NLGN1: variants seen among roughly 807,000 people sequenced by gnomAD.
NLGN1 encodes neuroligin 1, also known as neuroligin-1.
In NLGN1, 12 loss-of-function variants were observed where a neutral mutation model predicts 65.5. That is an observed-to-expected ratio of 0.18 (90% CI 0.12 to 0.30). NLGN1 has a LOEUF of 0.30. Among genes scored for constraint, NLGN1 ranks in the 10% least tolerant of loss-of-function variants. The pLI is 1.00. For synonymous variants in NLGN1, 350 were observed against 359.5 expected (o/e 0.97, Z 0.30); for missense variants, 750 against 1,007.1 (o/e 0.74, Z 3.46).
At chr3:173,619,149 A>G (rs1278262220) in intron 3 of NLGN1, among the ~76,000 whole-genome samples, 3 of 152,134 alleles carry the variant, frequency 2.0e-5, no homozygotes, top group Admixed American at 1.3e-4. Context: ...ACATCAGTAA[A>G]TGTTCATGTA....
intron 2 of NLGN1, among the ~76,000 whole-genome samples, chr3:173,497,886 ATATCTT>A (rs1730303503): frequency 1.3e-5 from 2 of 151,870 alleles, no homozygotes; most frequent in African/African-American, 2.4e-5. Context: ...AATGCAATAA[ATATCTT>A]TATATATATG....
chr3:174,229,872 A>G (rs897118163), intron 4 of NLGN1, among the ~76,000 whole-genome samples: 5 of 152,176 alleles, frequency 3.3e-5, no homozygotes, highest in South Asian at 2.1e-4. Context: ...TGTGGAATCT[A>G]TCCACTTCTG....
chr3:173,770,076 G>A (rs749270994), intron 3 of NLGN1, among the ~76,000 whole-genome samples: 1 of 152,152 alleles, frequency 6.6e-6, no homozygotes, highest in African/African-American at 2.4e-5. Flanking sequence ...TCTGGAAAAT[G>A]TCCTATCTTA....
intron 4 of NLGN1, among the ~76,000 whole-genome samples, chr3:174,028,662 A>T (rs1388535020): frequency 6.6e-6 from 1 of 152,236 alleles, no homozygotes; most frequent in African/African-American, 2.4e-5. Context: ...AAAAGTTGGG[A>T]ACATTTGCAG....
At chr3:173,789,776 C>A in intron 3 of NLGN1, 1 of 458,404 alleles carries the variant, frequency 2.2e-6, no homozygotes, top group South Asian at 1.6e-5. Flanking sequence ...TCCGCCCATC[C>A]TTCCTTGGAT....
At chr3:173,741,041 A>G (rs915214291) in intron 3 of NLGN1, among the ~76,000 whole-genome samples, 1 of 152,184 alleles carries the variant, frequency 6.6e-6, no homozygotes, top group African/African-American at 2.4e-5. Context: ...GCATATAGGT[A>G]TACAATTAGT....
intron 3 of NLGN1, chr3:173,789,815 A>G: frequency 2.0e-6 from 1 of 493,088 alleles, no homozygotes; most frequent in Non-Finnish European, 4.1e-6. Context: ...TCAAATTCAA[A>G]CTTTCATATT....
intron 2 of NLGN1, among the ~76,000 whole-genome samples, chr3:173,569,471 G>A (rs1744267304): frequency 6.6e-6 from 1 of 151,778 alleles, no homozygotes; most frequent in African/African-American, 2.4e-5. Context: ...TATTTTCGGA[G>A]AAGGCTATTT....
chr3:174,126,045 A>G (rs1446455282), intron 4 of NLGN1, among the ~76,000 whole-genome samples: 5 of 152,126 alleles, frequency 3.3e-5, no homozygotes, highest in African/African-American at 1.2e-4. Flanking sequence ...ATCTGAGTGC[A>G]AGGTCACACA....
intron 2 of NLGN1, among the ~76,000 whole-genome samples, chr3:173,438,645 G>T (rs1718589852): frequency 6.6e-6 from 1 of 151,956 alleles, no homozygotes. Flanking sequence ...AAATTATTAA[G>T]AAAATATAGA....
intron 4 of NLGN1, among the ~76,000 whole-genome samples, chr3:174,196,422 T>C (rs1193749636): frequency 4.6e-5 from 7 of 152,210 alleles, no homozygotes; most frequent in Admixed American, 1.3e-4. Flanking sequence ...ATTTGTAAAC[T>C]TAAGTTAAAA....
At chr3:173,645,354 T>C (rs184065262) in intron 3 of NLGN1, among the ~76,000 whole-genome samples, 4 of 152,304 alleles carry the variant, frequency 2.6e-5, no homozygotes, top group Admixed American at 1.3e-4. Flanking sequence ...CCCACCAACA[T>C]TGGGCTTTTG....
At chr3:174,148,286 G>A (rs1356104848) in intron 4 of NLGN1, among the ~76,000 whole-genome samples, 6 of 152,146 alleles carry the variant, frequency 3.9e-5, no homozygotes, top group Non-Finnish European at 8.8e-5. Context: ...ACACGTAAAA[G>A]GGGACACAAT....
At chr3:173,985,884 A>G (rs1252132658) in intron 4 of NLGN1, among the ~76,000 whole-genome samples, 1 of 152,058 alleles carries the variant, frequency 6.6e-6, no homozygotes, top group Non-Finnish European at 1.5e-5. Flanking sequence ...TGGAAGGTGG[A>G]GGTTGCAGTG....
intron 4 of NLGN1, among the ~76,000 whole-genome samples, chr3:174,092,441 T>A (rs1296504030): frequency 6.6e-6 from 1 of 152,126 alleles, no homozygotes; most frequent in Non-Finnish European, 1.5e-5. Context: ...AGTTTTCATT[T>A]CTTCATATAT....
At chr3:173,477,772 T>G (rs1345500341) in intron 2 of NLGN1, among the ~76,000 whole-genome samples, 1 of 152,202 alleles carries the variant, frequency 6.6e-6, no homozygotes, top group Non-Finnish European at 1.5e-5. Context: ...CATGAATGTC[T>G]TCTTTTGAGA....
chr3:174,080,626 T>C (rs1483758912), intron 4 of NLGN1, among the ~76,000 whole-genome samples: 1 of 152,144 alleles, frequency 6.6e-6, no homozygotes, highest in Non-Finnish European at 1.5e-5. Context: ...TGAGGCATTC[T>C]TCCCTTACCA....
chr3:173,958,808 A>G (rs1235900305), intron 4 of NLGN1, among the ~76,000 whole-genome samples: 1 of 152,142 alleles, frequency 6.6e-6, no homozygotes, highest in Non-Finnish European at 1.5e-5. Context: ...CCTGCAGGCC[A>G]GTGTTGAGCT....
chr3:174,014,376 T>C (rs1236735850), intron 4 of NLGN1, among the ~76,000 whole-genome samples: 1 of 152,230 alleles, frequency 6.6e-6, no homozygotes, highest in African/African-American at 2.4e-5. Context: ...TTTGAACATA[T>C]TTTGCTTAGG....
Sources: gnomAD v4.1 joint callset for allele counts (sites outside exome capture counted in the v4.1 genomes callset) on GRCh38, gnomAD v4.1.1 for gene constraint, MANE v1.5 for transcripts, NCBI Gene and HGNC (gene_info 2026-07-23, HGNC 2026-07-21) for gene names.